Variants in PLCB1 observed in about 807,000 individuals in gnomAD.
PLCB1 encodes the protein 1-phosphatidylinositol 4,5-bisphosphate phosphodiesterase beta-1.
PLCB1 carries 46 observed loss-of-function variants against 161.8 expected under a neutral mutation model. The observed-to-expected ratio is 0.28, with a 90% CI of 0.22 to 0.36. The LOEUF is 0.36. PLCB1 is among the 10% of genes least tolerant of loss of function. The pLI, the probability that PLCB1 is intolerant of heterozygous loss-of-function variation, is 1.00. For synonymous variants in PLCB1, 517 were observed against 503.7 expected (o/e 1.03, Z -0.35); for missense variants, 1,016 against 1,472.5 (o/e 0.69, Z 5.07).
chr20:8,189,575 A>C (rs1280656416), intron 2 of PLCB1, among the ~76,000 whole-genome samples: 2 of 152,062 alleles, frequency 1.3e-5, no homozygotes, highest in Non-Finnish European at 2.9e-5. Flanking sequence ...ACTTTTATCT[A>C]GTCATAGAAA....
chr20:8,673,077 A>G (rs1192426431), intron 9 of PLCB1, among the ~76,000 whole-genome samples: 1 of 152,044 alleles, frequency 6.6e-6, no homozygotes, highest in South Asian at 2.1e-4. Context: ...GTGCCACTGC[A>G]CTCCAGCCTG....
At chr20:8,324,466 A>G (rs542335580) in intron 2 of PLCB1, among the ~76,000 whole-genome samples, 4 of 152,308 alleles carry the variant, frequency 2.6e-5, no homozygotes, top group South Asian at 4.1e-4. Context: ...ATTTCTTACT[A>G]TAAATTATGA....
intron 2 of PLCB1, among the ~76,000 whole-genome samples, chr20:8,188,038 C>T (rs1189338178): frequency 6.6e-6 from 1 of 150,670 alleles, no homozygotes; most frequent in Non-Finnish European, 1.5e-5. Flanking sequence ...TGAGGTTTGG[C>T]TGATTTAGGC....
chr20:8,200,267 T>C (rs1005576727), intron 2 of PLCB1, among the ~76,000 whole-genome samples: 1 of 152,078 alleles, frequency 6.6e-6, no homozygotes, highest in Non-Finnish European at 1.5e-5. Flanking sequence ...AAATCCATTG[T>C]TACTCTTATG....
chr20:8,448,934 A>G (rs1325561815), intron 3 of PLCB1, among the ~76,000 whole-genome samples: 1 of 152,220 alleles, frequency 6.6e-6, no homozygotes, highest in Non-Finnish European at 1.5e-5. Flanking sequence ...GGTCTCTTCT[A>G]GTCCTGAGAT....
intron 2 of PLCB1, among the ~76,000 whole-genome samples, chr20:8,243,962 C>T (rs1000813443): frequency 1.3e-5 from 2 of 151,840 alleles, no homozygotes; most frequent in Non-Finnish European, 2.9e-5. Flanking sequence ...TAGGTTTTTA[C>T]TAATTAAGAT....
intron 2 of PLCB1, among the ~76,000 whole-genome samples, chr20:8,232,404 T>G (rs978733209): frequency 1.3e-5 from 2 of 152,138 alleles, no homozygotes; most frequent in Admixed American, 6.6e-5. Flanking sequence ...GACAGTGATA[T>G]TCTTGATTTG....
At chr20:8,530,965 A>G (rs1600131807) in intron 3 of PLCB1, among the ~76,000 whole-genome samples, 1 of 151,902 alleles carries the variant, frequency 6.6e-6, no homozygotes, top group East Asian at 1.9e-4. Context: ...TTTTTATTTT[A>G]TTTCATTAAT....
chr20:8,825,190 C>T (rs751880885), intron 31 of PLCB1, among the ~76,000 whole-genome samples: 9 of 152,058 alleles, frequency 5.9e-5, no homozygotes, highest in Non-Finnish European at 1.3e-4. Flanking sequence ...AAATTTACCC[C>T]CCCAAAAAAG....
intron 3 of PLCB1, among the ~76,000 whole-genome samples, chr20:8,511,785 A>T (rs1983903986): frequency 6.6e-6 from 1 of 152,130 alleles, no homozygotes; most frequent in African/African-American, 2.4e-5. Flanking sequence ...GATATTGAGC[A>T]TTTTTTCATA....
At chr20:8,649,552 G>A (rs1490972971) in intron 7 of PLCB1, 103 bp downstream of exon 7, 1 of 794,348 alleles carries the variant, frequency 1.3e-6, no homozygotes, top group Admixed American at 1.9e-5. Flanking sequence ...GGGCCTTTAA[G>A]AGGAAATTAA....
chr20:8,148,794 A>G (rs748241729), intron 1 of PLCB1, among the ~76,000 whole-genome samples: 1 of 152,242 alleles, frequency 6.6e-6, no homozygotes, highest in Non-Finnish European at 1.5e-5. Context: ...AGCCAAACAC[A>G]AAAGGACAAA....
intron 3 of PLCB1, among the ~76,000 whole-genome samples, chr20:8,468,594 G>A (rs973084540): frequency 4.6e-5 from 7 of 152,092 alleles, no homozygotes; most frequent in African/African-American, 1.2e-4. Context: ...GTATAATATC[G>A]TCCTGATTCA....
At chr20:8,835,178 G>A (rs1986234101) in intron 31 of PLCB1, among the ~76,000 whole-genome samples, 2 of 152,132 alleles carry the variant, frequency 1.3e-5, no homozygotes, top group Admixed American at 6.6e-5. Context: ...AAAATTTCTA[G>A]GAAGAGTAAA....
intron 2 of PLCB1, among the ~76,000 whole-genome samples, chr20:8,284,277 T>C (rs1983009682): frequency 6.6e-6 from 1 of 152,158 alleles, no homozygotes; most frequent in Non-Finnish European, 1.5e-5. Flanking sequence ...GCATATATGC[T>C]TCATATACAC....
chr20:8,523,765 T>C lies in PLCB1; in HGVS notation c.247-104529T>C, dbSNP rs140130543. ...TAGTATATTAAGGTTACTCAGATCATTGCGCATTGGGAGGGAAGAAGATGC... is the reference window on the plus strand; with the variant it reads ...TAGTATATTAAGGTTACTCAGATCACTGCGCATTGGGAGGGAAGAAGATGC... On this transcript the variant is annotated intron_variant, in intron 3 of 31. Transcript: ENST00000338037. Among the ~76,000 whole-genome samples, 119 of 151,644 alleles carry C rather than the reference T, an allele frequency of 7.8e-4. 1 individual carries two copies. The highest frequency in any genetic ancestry group is 1.4e-3 in the Non-Finnish European group (93 of 67,906).
intron 31 of PLCB1, among the ~76,000 whole-genome samples, chr20:8,849,348 C>T (rs1986807098): frequency 6.6e-6 from 1 of 152,124 alleles, no homozygotes; most frequent in Non-Finnish European, 1.5e-5. Context: ...TGGCCACTGG[C>T]TCAAGCTCAT....
At chr20:8,685,217 C>T (rs1279596466) in intron 10 of PLCB1, 139 bp downstream of exon 10, 9 of 744,444 alleles carry the variant, frequency 1.2e-5, no homozygotes, top group African/African-American at 1.7e-5. Context: ...GGTTCCACCA[C>T]TAAAGCCTCC....
intron 3 of PLCB1, among the ~76,000 whole-genome samples, chr20:8,439,204 G>C (rs948227650): frequency 1.3e-5 from 2 of 152,128 alleles, no homozygotes; most frequent in Non-Finnish European, 2.9e-5. Flanking sequence ...TTACTGTAGC[G>C]TTTCCATCCA....
Sources: gnomAD v4.1 joint callset for allele counts (sites outside exome capture counted in the v4.1 genomes callset) on GRCh38, gnomAD v4.1.1 for gene constraint, MANE v1.5 for transcripts, NCBI Gene and HGNC (gene_info 2026-07-23, HGNC 2026-07-21) for gene names.